PLXND1: variants seen among roughly 807,000 people sequenced by gnomAD.
The protein encoded by PLXND1 is plexin-D1.
PLXND1 carries 54 observed loss-of-function variants against 197.7 expected under a neutral mutation model. The observed-to-expected ratio is 0.27, with a 90% CI of 0.22 to 0.34. The LOEUF (loss-of-function observed/expected upper bound fraction) is 0.34. Ranked by LOEUF, PLXND1 falls within the 10% of genes least tolerant of loss-of-function variation. The pLI is 1.00. For missense variants in PLXND1, 2,127 were observed against 2,699.2 expected, an observed-to-expected ratio of 0.79 and a Z score of 4.70; for synonymous variants, 1,180 against 1,161.2, an observed-to-expected ratio of 1.02 and a Z score of -0.33.
intron 22 of PLXND1, 59 bp from the exon 23 acceptor site, chr3:129,566,690 A>G: frequency 9.4e-7 from 1 of 1,062,112 alleles, no homozygotes. Context: ...TGGCATGGAA[A>G]GGTCACTCAC....
intron 1 of PLXND1, among the ~76,000 whole-genome samples, chr3:129,593,257 C>G (rs1578355258): frequency 6.6e-6 from 1 of 152,278 alleles, no homozygotes; most frequent in East Asian, 1.9e-4. Context: ...GGCCTCCAGT[C>G]TCCCTCCTCC....
Position 129,595,921 on chromosome 3 carries a change from G to GCGCGCACACACACACACACACA in PLXND1, c.1312-6395_1312-6394insTGTGTGTGTGTGTGTGTGCGCG, listed in dbSNP as rs138452605. The stretch of plus-strand genomic sequence containing the variant: ...CTTACAGCCCTGGGGGTGCACGCAC[G>GCGCGCACACACACACACACACA]CACACACACACACACACACACACAC... On this transcript the variant is annotated intron_variant, in intron 1 of 35. Coordinates refer to ENST00000324093, the MANE Select transcript of PLXND1 (RefSeq NM_015103.3). 1.1e-4 allele frequency among the ~76,000 whole-genome samples: 16 copies of GCGCGCACACACACACACACACA among 146,508 alleles called. No homozygotes were observed. In the South Asian group the frequency reaches 2.9e-3, roughly 26 times the overall value.
chr3:129,590,721 T>G (rs2085528132), intron 1 of PLXND1, among the ~76,000 whole-genome samples: 1 of 152,194 alleles, frequency 6.6e-6, no homozygotes. Context: ...GTGCACTGAC[T>G]CCCAGAATCC....
At chr3:129,601,565 C>T (rs1184387875) in intron 1 of PLXND1, among the ~76,000 whole-genome samples, 1 of 152,174 alleles carries the variant, frequency 6.6e-6, no homozygotes, top group Non-Finnish European at 1.5e-5. Flanking sequence ...GCAGCCCCAC[C>T]CAGGCCACCC....
At chr3:129,579,907 G>A (rs1315466466) in intron 8 of PLXND1, among the ~76,000 whole-genome samples, 1 of 152,144 alleles carries the variant, frequency 6.6e-6, no homozygotes, top group Non-Finnish European at 1.5e-5. Flanking sequence ...GGACCTCGAG[G>A]GGATGCCAAT....
rs1271368726 is a variant in PLXND1 at position 129,588,822 on chromosome 3, A to G, written c.1488+529T>C. On this transcript the variant is annotated intron_variant, in intron 2 of 35. Coordinates refer to ENST00000324093, the MANE Select transcript of PLXND1 (RefSeq NM_015103.3). ...ATTCTGCGCATCTCCTCCCAGCTCC[A>G]GGAATCTCGGGGCCACGGGCTGGGG... 2.6e-5 allele frequency among the ~76,000 whole-genome samples: 4 copies of G among 152,224 alleles called. No homozygotes were observed. The South Asian group carries it at 8.3e-4, about 31-fold the overall frequency.
chr3:129,593,031 T>A (rs774540580), intron 1 of PLXND1, among the ~76,000 whole-genome samples: 16 of 152,198 alleles, frequency 1.1e-4, no homozygotes, highest in Non-Finnish European at 2.2e-4. Context: ...TAAAGGCTAA[T>A]GAGCATGAGT....
At chr3:129,582,361 C>T (rs1240172158) in intron 8 of PLXND1, among the ~76,000 whole-genome samples, 5 of 152,242 alleles carry the variant, frequency 3.3e-5, no homozygotes, top group East Asian at 3.8e-4. Flanking sequence ...GCTGCTTCCC[C>T]GGGATGTGTG....
intron 8 of PLXND1, among the ~76,000 whole-genome samples, chr3:129,582,244 C>T (rs2085397599): frequency 6.6e-6 from 1 of 152,268 alleles, no homozygotes. Flanking sequence ...GGCCATGGGG[C>T]CCCCTCCTTA....
In PLXND1 at chr3:129,575,826, C is replaced by T. The variant is rs1578329949; in HGVS notation, c.2376G>A (p.Leu792=). Residue 792 remains leucine (L), a synonymous_variant, in exon 10 of 36, where the codon CTG becomes CTA. Coordinates refer to ENST00000324093, the MANE Select transcript of PLXND1 (RefSeq NM_015103.3). The part of the protein sequence containing the change: ...QGAALECSFG[L]EEIFEAVWVN... Reference sequence around the variant, plus strand: ...CCCACACAGCCTCGAAGATCTCCTCCAGCCCAAAACTACACTCCAGGGCTG... The same window carrying T: ...CCCACACAGCCTCGAAGATCTCCTCTAGCCCAAAACTACACTCCAGGGCTG... The T allele has an allele frequency of 6.2e-7, 1 of 1,613,150 alleles. No homozygotes were observed.
At chr3:129,579,806 C>T (rs1298725760) in intron 8 of PLXND1, among the ~76,000 whole-genome samples, 1 of 152,214 alleles carries the variant, frequency 6.6e-6, no homozygotes, top group African/African-American at 2.4e-5. Context: ...AGGCCAAAGG[C>T]CTTGGGACAA....
chr3:129,605,284 C>CCG, intron 1 of PLXND1, 45 bp downstream of exon 1: 3 of 783,834 alleles, frequency 3.8e-6, no homozygotes, highest in Non-Finnish European at 5.1e-6. Flanking sequence ...CGCCCCCGCC[C>CCG]CCGCCGCCGC....
chr3:129,605,266 C>G, intron 1 of PLXND1, 63 bp downstream of exon 1: 1 of 443,194 alleles, frequency 2.3e-6, no homozygotes, highest in Non-Finnish European at 3.5e-6. Flanking sequence ...TCGGTTCCCG[C>G]CCGCCCCCGC....
chr3:129,589,307 G>GCCGGGGGGGGCCCCCCCCCCCCCCCC, intron 2 of PLXND1, 44 bp downstream of exon 2: 1 of 684,692 alleles, frequency 1.5e-6, no homozygotes, highest in Non-Finnish European at 2.6e-6. Context: ...TCCCAGGGGA[G>GCCGGGGGGGGCCCCCCCCCCCCCCCC]CCTCCCACCC....
intron 9 of PLXND1, among the ~76,000 whole-genome samples, chr3:129,576,096 C>T (rs1457812383): frequency 6.6e-6 from 1 of 152,242 alleles, no homozygotes; most frequent in Non-Finnish European, 1.5e-5. Flanking sequence ...CTCAGCACCA[C>T]TAAAAGCCTC....
intron 1 of PLXND1, among the ~76,000 whole-genome samples, chr3:129,590,443 G>A (rs1213992349): frequency 2.0e-5 from 3 of 152,138 alleles, no homozygotes; most frequent in African/African-American, 4.8e-5. Flanking sequence ...GTGCAACTCC[G>A]CAAAGACGCA....
At chr3:129,591,348 C>G (rs62267578) in intron 1 of PLXND1, 1 of 152,312 alleles carries the variant, frequency 6.6e-6, no homozygotes, top group Non-Finnish European at 1.5e-5. Flanking sequence ...TGTTCCCAAA[C>G]GCCGGGCGTG....
At position 129,571,711 on chromosome 3, in the gene PLXND1, T is replaced by C. The variant is rs1371912824; in HGVS notation, c.3211A>G (p.Ile1071Val). ...CTGCGGCGGGGACTGATGGCCGTGATGACCGGGTTCTGCATGTACCAGAAG... is the reference window on the plus strand; with the variant it reads ...CTGCGGCGGGGACTGATGGCCGTGACGACCGGGTTCTGCATGTACCAGAAG... Reference protein sequence around the residue: ...LTFWYMQNPVITAISPRRSPV... With the variant: ...LTFWYMQNPVVTAISPRRSPV... Residue 1071 changes from isoleucine (I) to valine (V), a missense_variant, in exon 16 of 36, where the codon ATC becomes GTC. Ile to Val is a conservative substitution (Grantham distance 29). Transcript: ENST00000324093. 1 of 1,613,846 alleles carries C rather than the reference T, an allele frequency of 6.2e-7. No individual in the cohort carries two copies. Among genetic ancestry groups the C allele is most frequent in the Non-Finnish European group, 8.5e-7 (1 of 1,179,978 alleles).
intron 10 of PLXND1, 51 bp from the exon 11 acceptor site, chr3:129,575,613 C>T (rs2255508): frequency 0.2 from 279,633 of 1,397,980 alleles, 28,990 homozygotes; most frequent in East Asian, 0.32. Context: ...GCCTGGGGCT[C>T]TGCTGGGGAT....
Sources: gnomAD v4.1 joint callset for allele counts (sites outside exome capture counted in the v4.1 genomes callset) on GRCh38, gnomAD v4.1.1 for gene constraint, MANE v1.5 for transcripts, NCBI Gene and HGNC (gene_info 2026-07-23, HGNC 2026-07-21) for gene names.